Variants in CTTNBP2 observed in about 807,000 individuals in gnomAD.
CTTNBP2 encodes the protein cortactin binding protein 2, also known as cortactin-binding protein 2.
In CTTNBP2, 108 loss-of-function variants were observed where a neutral mutation model predicts 156.9. The ratio of observed to expected loss-of-function variants is 0.69; its 90% CI spans 0.59 to 0.81. The LOEUF is 0.81. CTTNBP2 is among the 30% of genes least tolerant of loss of function. The probability of loss-of-function intolerance (pLI) is 0.00; values close to 1 mark genes in which losing one functional copy is unlikely to be tolerated. For missense variants in CTTNBP2, 1,924 were observed against 2,035.4 expected, an observed-to-expected ratio of 0.95 and a Z score of 1.05; for synonymous variants, 767 against 751.8, an observed-to-expected ratio of 1.02 and a Z score of -0.33.
intron 2 of CTTNBP2, among the ~76,000 whole-genome samples, chr7:117,837,930 C>T (rs1467364614): frequency 6.6e-6 from 1 of 152,206 alleles, no homozygotes; most frequent in African/African-American, 2.4e-5. Context: ...CTCCCATCTG[C>T]ATTTGTGGCC....
intron 2 of CTTNBP2, among the ~76,000 whole-genome samples, chr7:117,849,922 G>C (rs1802829962): frequency 6.6e-6 from 1 of 152,138 alleles, no homozygotes; most frequent in Non-Finnish European, 1.5e-5. Context: ...TCCAAACTTT[G>C]GCTTGGCACT....
At chr7:117,851,220 T>C (rs997564097) in intron 2 of CTTNBP2, among the ~76,000 whole-genome samples, 1 of 150,828 alleles carries the variant, frequency 6.6e-6, no homozygotes, top group Admixed American at 6.6e-5. Context: ...TTGAGCAACA[T>C]AGCAAGACCC....
intron 3 of CTTNBP2, among the ~76,000 whole-genome samples, chr7:117,794,533 TG>T (rs1340757544): frequency 6.6e-6 from 1 of 152,242 alleles, no homozygotes; most frequent in Non-Finnish European, 1.5e-5. Context: ...TCTCATGATC[TG>T]TAAGTCCTGA....
chr7:117,819,367 TCACACACACACACACACA>T (rs71529472), intron 2 of CTTNBP2, among the ~76,000 whole-genome samples: 3 of 130,610 alleles, frequency 2.3e-5, no homozygotes, highest in South Asian at 5.4e-4. Flanking sequence ...TCTCTCTCTC[TCACACACACACACACACA>T]CACACACACA....
At chr7:117,757,804 AG>A in intron 11 of CTTNBP2, 70 bp downstream of exon 11, 2 of 960,916 alleles carry the variant, frequency 2.1e-6, no homozygotes, top group Admixed American at 5.6e-5. Flanking sequence ...TGAAGATTTA[AG>A]AACTGGTGCT....
chr7:117,724,999 A>C, intron 18 of CTTNBP2, 53 bp downstream of exon 18: 1 of 1,524,524 alleles, frequency 6.6e-7, no homozygotes, highest in Non-Finnish European at 9.1e-7. Flanking sequence ...AGCTTTTAAA[A>C]GGTATTTCAC....
chr7:117,867,856 T>G lies in CTTNBP2; in HGVS notation c.81+5479A>C, dbSNP rs180909268. Among the ~76,000 whole-genome samples the G allele has an allele frequency of 4.6e-5, 7 of 152,250 alleles. No homozygotes were observed. In the East Asian group the frequency reaches 1.4e-3, roughly 29 times the overall value. On this transcript the variant is annotated intron_variant, in intron 1 of 22. Transcript: ENST00000160373. Reference sequence around the variant, plus strand: ...CAACCACACTGTCTGGGGTCTTTGATGCAAGACAAGAAACTCAGTGTATTG... The same window carrying G: ...CAACCACACTGTCTGGGGTCTTTGAGGCAAGACAAGAAACTCAGTGTATTG...
intron 12 of CTTNBP2, chr7:117,755,382 A>G: frequency 3.1e-6 from 1 of 319,482 alleles, no homozygotes; most frequent in Non-Finnish European, 6.1e-6. Flanking sequence ...GTCAAGGGTC[A>G]TAGTTCCAAC....
At chr7:117,828,691 T>C (rs941701556) in intron 2 of CTTNBP2, among the ~76,000 whole-genome samples, 1 of 152,196 alleles carries the variant, frequency 6.6e-6, no homozygotes, top group Non-Finnish European at 1.5e-5. Flanking sequence ...AGCTCAACTA[T>C]TTATATTTCT....
chr7:117,831,801 C>T (rs1437776047), intron 2 of CTTNBP2, among the ~76,000 whole-genome samples: 3 of 152,136 alleles, frequency 2.0e-5, no homozygotes, highest in Non-Finnish European at 2.9e-5. Context: ...CTTCTTCATG[C>T]TAGAGATCAG....
rs1199248021 is a variant in CTTNBP2, at chr7:117,872,536, C to G, written c.81+799G>C. On this transcript the variant is annotated intron_variant, in intron 1 of 22. Transcript: ENST00000160373. ...TAGAGGCTGGAAACCACCAGCGAGT[C>G]TCTACACCGGAATATTAAGGGGGTG... 3.5e-5 allele frequency among the ~76,000 whole-genome samples: 5 copies of G among 142,050 alleles called. No individual in the cohort carries two copies. The East Asian group carries it at 8.5e-4, about 24-fold the overall frequency. The allele number at this position is 142,050 out of a possible 152,430, so 93.2% of individuals were successfully genotyped here.
intron 3 of CTTNBP2, among the ~76,000 whole-genome samples, chr7:117,797,791 G>A (rs754899147): frequency 1.3e-5 from 2 of 152,070 alleles, no homozygotes; most frequent in African/African-American, 4.8e-5. Context: ...ACATTGAACA[G>A]CATCTTATTT....
chr7:117,829,763 A>G (rs1801491848), intron 2 of CTTNBP2, among the ~76,000 whole-genome samples: 1 of 152,216 alleles, frequency 6.6e-6, no homozygotes, highest in East Asian at 1.9e-4. Context: ...TGATTGACCA[A>G]CTGCACATCA....
intron 2 of CTTNBP2, among the ~76,000 whole-genome samples, chr7:117,854,444 G>A (rs750884320): frequency 1.1e-4 from 16 of 152,126 alleles, no homozygotes; most frequent in African/African-American, 3.6e-4. Flanking sequence ...CATACTCTGC[G>A]GCTGCTTTTA....
At position 117,791,174 on chromosome 7, in the gene CTTNBP2, T is replaced by G. The variant is rs772196988; in HGVS notation, c.2022A>C (p.Ser674=). 18 of 1,614,052 alleles carry G rather than the reference T, an allele frequency of 1.1e-5. No homozygotes were observed. The South Asian group carries it at 1.8e-4, about 16-fold the overall frequency. Reference sequence around the variant, plus strand: ...TGTCTGAGGCACCTGGTCTACAGGATGAGGCACTAACGGGGTTTATGGAAG... The same window carrying G: ...TGTCTGAGGCACCTGGTCTACAGGAGGAGGCACTAACGGGGTTTATGGAAG... ...FCSSINPVSA[S]SCRPGASDSL... is the part of the protein sequence containing the mutation. Residue 674 remains serine, a synonymous_variant, in exon 4 of 23, where the codon TCA becomes TCC. Coordinates refer to ENST00000160373, the MANE Select transcript of CTTNBP2 (RefSeq NM_033427.3).
chr7:117,807,034 G>C (rs1252668634), intron 3 of CTTNBP2, among the ~76,000 whole-genome samples: 4 of 152,098 alleles, frequency 2.6e-5, no homozygotes, highest in African/African-American at 9.7e-5. Flanking sequence ...TGGGATTACA[G>C]GGGTGAGCCA....
chr7:117,872,729 CA>C (rs1453724440), intron 1 of CTTNBP2, among the ~76,000 whole-genome samples: 1 of 152,186 alleles, frequency 6.6e-6, no homozygotes, highest in East Asian at 1.9e-4. Context: ...AATGGGGCAG[CA>C]GGCTGCTAGG....
intron 14 of CTTNBP2, among the ~76,000 whole-genome samples, chr7:117,744,544 C>A (rs1015523444): frequency 6.6e-6 from 1 of 152,090 alleles, no homozygotes; most frequent in African/African-American, 2.4e-5. Context: ...GAATAGCGCT[C>A]CATCGTGTAT....
chr7:117,774,266 T>C (rs1210415129), intron 8 of CTTNBP2, among the ~76,000 whole-genome samples: 1 of 152,182 alleles, frequency 6.6e-6, no homozygotes. Flanking sequence ...AGGACAGATT[T>C]GGGAATTTGA....
Sources: gnomAD v4.1 joint callset for allele counts (sites outside exome capture counted in the v4.1 genomes callset) on GRCh38, gnomAD v4.1.1 for gene constraint, MANE v1.5 for transcripts, NCBI Gene and HGNC (gene_info 2026-07-23, HGNC 2026-07-21) for gene names.